The following ZPBP variants were observed in gnomAD, a reference collection of about 807,000 sequenced individuals.
ZPBP encodes zona pellucida binding protein.
A neutral mutation model predicts 44.8 loss-of-function variants in ZPBP; 26 were observed. That is an observed-to-expected ratio of 0.58 (90% CI 0.43 to 0.81). The LOEUF is 0.81. ZPBP is among the 30% of genes least tolerant of loss of function. The pLI is 0.00. For missense variants in ZPBP, 409 were observed against 434.0 expected (o/e 0.94, Z 0.51); for synonymous variants, 174 against 153.2 (o/e 1.14, Z -1.00).
intron 7 of ZPBP, among the ~76,000 whole-genome samples, chr7:49,950,484 GATC>G (rs1301027214): frequency 6.6e-6 from 1 of 151,642 alleles, no homozygotes; most frequent in Non-Finnish European, 1.5e-5. Context: ...TAAAAACAAT[GATC>G]TCTATACTTA....
chr7:50,081,917 A>G lies in ZPBP; in HGVS notation c.209-18T>C. On this transcript the variant is annotated intron_variant, in intron 2 of 7. Transcript: ENST00000046087. The stretch of plus-strand genomic sequence containing the variant: ...CGCTTTCACTGAAAATACAATATTT[A>G]AAATGTTCCAATAGTATTTTATCTT... 6.2e-7 allele frequency: 1 copy of G among 1,608,730 alleles called. No homozygotes were observed. The highest frequency in any genetic ancestry group is 8.5e-7 in the Non-Finnish European group (1 of 1,176,888).
chr7:50,008,589 T>C (rs1211730556), intron 6 of ZPBP, among the ~76,000 whole-genome samples: 2 of 151,938 alleles, frequency 1.3e-5, no homozygotes, highest in African/African-American at 4.8e-5. Flanking sequence ...ACAGAAAAAC[T>C]GAAAGGCTCA....
At position 49,979,760 on chromosome 7, in the gene ZPBP, T is replaced by C. The variant is rs185795825; in HGVS notation, c.961+3582A>G. Among the ~76,000 whole-genome samples the C allele has an allele frequency of 3.0e-3, 426 of 143,766 alleles. 6 individuals are homozygous for C. Among genetic ancestry groups the C allele is most frequent in the African/African-American group, 0.01 (397 of 39,286 alleles). 94.3% of individuals were successfully genotyped at this position (143,766 alleles called of 152,430 possible). ...TACATGTAATAGCTTAACTACTATG[T>C]TCCAGTTTATTTTTTGGGTATTTCT... On this transcript the variant is annotated intron_variant, in intron 7 of 7. Transcript: ENST00000046087.
Position 50,016,966 on chromosome 7 carries a change from T to C in ZPBP, c.783+1274A>G, listed in dbSNP as rs933488023. Reference sequence around the variant, plus strand: ...TGAGATAATATGTGAATTAATGACTTAGACCAGCAGTTCCCAGCCTTTTTG... The same window carrying C: ...TGAGATAATATGTGAATTAATGACTCAGACCAGCAGTTCCCAGCCTTTTTG... On this transcript the variant is annotated intron_variant, in intron 6 of 7. Coordinates refer to ENST00000046087, the MANE Select transcript of ZPBP (RefSeq NM_007009.3). Among the ~76,000 whole-genome samples, 3 of 152,118 alleles carry C rather than the reference T, an allele frequency of 2.0e-5. No individual in the cohort carries two copies. In the East Asian group the frequency reaches 5.8e-4, roughly 29 times the overall value.
chr7:50,061,520 G>C (rs1801234182), intron 3 of ZPBP, among the ~76,000 whole-genome samples: 1 of 152,126 alleles, frequency 6.6e-6, no homozygotes, highest in African/African-American at 2.4e-5. Flanking sequence ...AGCCAACATA[G>C]TGAAACCTCA....
chr7:50,017,332 G>C (rs1217687115), intron 6 of ZPBP, among the ~76,000 whole-genome samples: 2 of 152,098 alleles, frequency 1.3e-5, no homozygotes, highest in African/African-American at 4.8e-5. Flanking sequence ...TGCTGCGCTT[G>C]ATCTGATCTG....
intron 3 of ZPBP, among the ~76,000 whole-genome samples, chr7:50,061,765 G>A (rs1801249271): frequency 6.6e-6 from 1 of 152,150 alleles, no homozygotes; most frequent in South Asian, 2.1e-4. Context: ...AGAAAGAGCT[G>A]ACAGTAACAC....
At chr7:49,868,512 C>G (rs1469686978) in intron 2 of ZPBP, among the ~76,000 whole-genome samples, 1 of 152,118 alleles carries the variant, frequency 6.6e-6, no homozygotes, top group Non-Finnish European at 1.5e-5. Context: ...GAAAAAGTAC[C>G]TCAAAATGTT....
intron 5 of ZPBP, among the ~76,000 whole-genome samples, chr7:50,030,278 G>C (rs1187295589): frequency 6.6e-6 from 1 of 152,040 alleles, no homozygotes; most frequent in East Asian, 1.9e-4. Flanking sequence ...GGAGGGGAGG[G>C]CAGAGGAGAA....
intron 7 of ZPBP, chr7:49,942,304 CT>C: frequency 4.4e-6 from 1 of 227,730 alleles, no homozygotes; most frequent in Non-Finnish European, 8.6e-6. Context: ...CATTGGTCTT[CT>C]TTTTGTTCCC....
At position 50,038,592 on chromosome 7, in the gene ZPBP, A is replaced by C. The variant is rs558282073; in HGVS notation, c.488-7282T>G. ...GCCCTGCCAAAACTGCTGTGGGTACACCCAAGCTGCATCTTCCAAGGACAT... is the reference window on the plus strand; with the variant it reads ...GCCCTGCCAAAACTGCTGTGGGTACCCCCAAGCTGCATCTTCCAAGGACAT... On this transcript the variant is annotated intron_variant, in intron 4 of 7. Transcript: ENST00000046087. Among the ~76,000 whole-genome samples the C allele has an allele frequency of 2.0e-5, 3 of 152,286 alleles. No homozygotes were observed. In the South Asian group the frequency reaches 6.2e-4, roughly 32 times the overall value.
intron 4 of ZPBP, among the ~76,000 whole-genome samples, chr7:50,038,375 G>A (rs1333943960): frequency 6.6e-6 from 1 of 152,226 alleles, no homozygotes; most frequent in East Asian, 1.9e-4. Flanking sequence ...TGGCCAGACA[G>A]CAACACAGAG....
intron 7 of ZPBP, among the ~76,000 whole-genome samples, chr7:49,948,402 G>T (rs896674619): frequency 2.0e-5 from 3 of 152,082 alleles, no homozygotes; most frequent in African/African-American, 4.8e-5. Flanking sequence ...AACCTTTTGT[G>T]TATCAAAGGA....
chr7:50,037,916 C>T (rs578023084), intron 4 of ZPBP, among the ~76,000 whole-genome samples: 4 of 152,252 alleles, frequency 2.6e-5, no homozygotes, highest in South Asian at 4.1e-4. Context: ...CTAGCCCCAG[C>T]TCCGTGTTGC....
At chr7:49,848,830 A>G (rs1242188421), downstream of ZPBP, among the ~76,000 whole-genome samples, 1 of 152,226 alleles carries the variant, frequency 6.6e-6, no homozygotes, top group Non-Finnish European at 1.5e-5. Context: ...CTTTTATAGT[A>G]TAGTCAATAA....
At chr7:49,925,125 C>T (rs1016749699) in intron 1 of ZPBP, among the ~76,000 whole-genome samples, 1 of 152,214 alleles carries the variant, frequency 6.6e-6, no homozygotes. Context: ...CATTTCTCCA[C>T]CTCCTGTGCT....
At chr7:50,003,436 T>C (rs759553417) in intron 6 of ZPBP, among the ~76,000 whole-genome samples, 1 of 152,212 alleles carries the variant, frequency 6.6e-6, no homozygotes, top group Non-Finnish European at 1.5e-5. Flanking sequence ...TCACCTCCAG[T>C]GGCACAGCAC....
intron 7 of ZPBP, among the ~76,000 whole-genome samples, chr7:49,950,072 G>A (rs987610275): frequency 6.6e-6 from 1 of 151,900 alleles, no homozygotes; most frequent in Non-Finnish European, 1.5e-5. Context: ...GGCACTGTGT[G>A]TCATAGCAAA....
At chr7:50,009,737 G>GCAAAA (rs1045356468) in intron 6 of ZPBP, among the ~76,000 whole-genome samples, 2 of 151,688 alleles carry the variant, frequency 1.3e-5, no homozygotes, top group African/African-American at 4.8e-5. Flanking sequence ...CCCAAAGAAT[G>GCAAAA]CAAAACAAAA....
Sources: gnomAD v4.1 joint callset for allele counts (sites outside exome capture counted in the v4.1 genomes callset) on GRCh38, gnomAD v4.1.1 for gene constraint, MANE v1.5 for transcripts, NCBI Gene and HGNC (gene_info 2026-07-23, HGNC 2026-07-21) for gene names.